FIRRM: variants seen among roughly 807,000 people sequenced by gnomAD.
FIRRM encodes FIGNL1 interacting regulator of recombination and mitosis, also known as FIGNL1-interacting regulator of recombination and mitosis.
chr1:169,844,824 C>G, the FIRRM span, among the ~76,000 whole-genome samples: 3 of 152,110 alleles, frequency 2.0e-5, no homozygotes, highest in Non-Finnish European at 4.4e-5. Context: ...GTAGATTGTT[C>G]AAAGGGTATT....
the FIRRM span, chr1:169,829,593 A>G: frequency 1.4e-6 from 1 of 720,460 alleles, no homozygotes; most frequent in Non-Finnish European, 2.1e-6. Context: ...AGAAAATGGT[A>G]ATCCCAGATT....
chr1:169,838,859 G>A, the FIRRM span, among the ~76,000 whole-genome samples: 1 of 152,086 alleles, frequency 6.6e-6, no homozygotes, highest in African/African-American at 2.4e-5. Context: ...GTGATGCTGA[G>A]GTTTGGGATA....
the FIRRM span, among the ~76,000 whole-genome samples, chr1:169,840,549 C>T: frequency 6.7e-6 from 1 of 148,976 alleles, no homozygotes; most frequent in African/African-American, 2.5e-5. Context: ...CTCGCACTGT[C>T]GCTCAGGCTG....
the FIRRM span, among the ~76,000 whole-genome samples, chr1:169,810,961 G>A: frequency 7.0e-6 from 1 of 143,558 alleles, no homozygotes; most frequent in Non-Finnish European, 1.5e-5. Flanking sequence ...CCGGGTTCAC[G>A]CCATTCCCCT....
At chr1:169,823,564 T>C in the FIRRM span, 1 of 702,012 alleles carries the variant, frequency 1.4e-6, no homozygotes, top group Non-Finnish European at 2.3e-6. Context: ...TAAAACAGAA[T>C]AATTTTTCTT....
chr1:169,801,046 G>A, the FIRRM span: 25 of 731,776 alleles, frequency 3.4e-5, no homozygotes, highest in African/African-American at 4.1e-4. Flanking sequence ...TATTAATTAT[G>A]GCTCTCTTTT....
chr1:169,827,238 A>G, the FIRRM span: 3 of 1,559,590 alleles, frequency 1.9e-6, no homozygotes, highest in Non-Finnish European at 1.8e-6. Flanking sequence ...ATCATCTATT[A>G]TGACATGTTA....
the FIRRM span, chr1:169,806,148 A>G: frequency 1.1e-6 from 1 of 924,628 alleles, no homozygotes; most frequent in Non-Finnish European, 1.7e-6. Flanking sequence ...CCCAATCTTA[A>G]TTATTCATGA....
the FIRRM span, among the ~76,000 whole-genome samples, chr1:169,836,388 C>T: frequency 2.0e-5 from 3 of 152,280 alleles, no homozygotes; most frequent in South Asian, 2.1e-4. Flanking sequence ...TTGCCAACCA[C>T]GCTCTTTTTG....
At chr1:169,799,005 C>A in the FIRRM span, 1 of 775,604 alleles carries the variant, frequency 1.3e-6, no homozygotes, top group Non-Finnish European at 2.1e-6. Context: ...ATGTTAAGGT[C>A]CGAGTCCCCA....
At chr1:169,795,809 T>A in the FIRRM span, 2 of 984,408 alleles carry the variant, frequency 2.0e-6, no homozygotes, top group Non-Finnish European at 2.4e-6. Context: ...TTTTGACAAG[T>A]TCTCACTCCT....
chr1:169,794,836 C>T, the FIRRM span: 1 of 459,142 alleles, frequency 2.2e-6, no homozygotes, highest in Non-Finnish European at 4.0e-6. Flanking sequence ...TGCTTCCCGA[C>T]GTGTCCTGGG....
the FIRRM span, chr1:169,849,528 T>C: frequency 1.9e-6 from 3 of 1,614,054 alleles, no homozygotes; most frequent in African/African-American, 1.3e-5. Context: ...CTGTCCTGTA[T>C]GTTTGCCTTA....
At chr1:169,801,873 A>T in the FIRRM span, among the ~76,000 whole-genome samples, 1 of 152,176 alleles carries the variant, frequency 6.6e-6, no homozygotes, top group Admixed American at 6.5e-5. Context: ...ACTCATAGTC[A>T]CTTGATGATT....
chr1:169,813,879 C>G, the FIRRM span, among the ~76,000 whole-genome samples: 2,389 of 152,294 alleles, frequency 0.016, 66 homozygotes, highest in African/African-American at 0.054. Flanking sequence ...CAGGCAGTTT[C>G]AGCAGCCAGG....
chr1:169,817,531 A>G, the FIRRM span, among the ~76,000 whole-genome samples: 1 of 152,190 alleles, frequency 6.6e-6, no homozygotes, highest in Non-Finnish European at 1.5e-5. Context: ...ATTTATACAA[A>G]TATAGCCCAA....
chr1:169,806,191 A>G, the FIRRM span: 90 of 696,712 alleles, frequency 1.3e-4, no homozygotes, highest in South Asian at 1.6e-3. Context: ...ATTTTGTGTG[A>G]ATTTAATGTT....
At chr1:169,840,405 A>G in the FIRRM span, among the ~76,000 whole-genome samples, 3 of 151,748 alleles carry the variant, frequency 2.0e-5, no homozygotes, top group African/African-American at 4.8e-5. Context: ...TCTTTTAGCA[A>G]TGTTTTATAG....
the FIRRM span, among the ~76,000 whole-genome samples, chr1:169,818,451 C>T: frequency 9.9e-5 from 15 of 152,162 alleles, no homozygotes; most frequent in African/African-American, 3.6e-4. Context: ...TAAACCACGT[C>T]TTTATTTTGA....
Sources: allele counts gnomAD v4.1 joint callset (sites outside exome capture counted in the v4.1 genomes callset), GRCh38; gene constraint gnomAD v4.1.1; transcripts MANE v1.5; gene names NCBI Gene and HGNC (gene_info 2026-07-23, HGNC 2026-07-21).